ASIP: variants seen among roughly 807,000 people sequenced by gnomAD.
ASIP encodes agouti signaling protein.
ASIP carries 11 observed loss-of-function variants against 10.3 expected under a neutral mutation model. The observed-to-expected ratio is 1.07, with a 90% CI of 0.68 to 1.78. The LOEUF is 1.78. ASIP is among the 40% of genes most tolerant of loss of function. The pLI, the probability that ASIP is intolerant of heterozygous loss-of-function variation, is 0.00. For missense variants in ASIP, 180 were observed against 169.2 expected (o/e 1.06, Z -0.35); for synonymous variants, 70 against 70.8 (o/e 0.99, Z 0.06).
intron 1 of ASIP, among the ~76,000 whole-genome samples, chr20:34,249,301 T>TC (rs1282092727): frequency 6.6e-6 from 1 of 151,512 alleles, no homozygotes; most frequent in African/African-American, 2.4e-5. Flanking sequence ...CGCATTCCCA[T>TC]CCCCCGCCCC....
Position 34,269,083 on chromosome 20 carries a change from C to T in ASIP, c.315C>T (p.Pro105=). 1 of 1,581,472 alleles carries T rather than the reference C, an allele frequency of 6.3e-7. No individual in the cohort carries two copies. The change falls in exon 4 of 4, where the codon CCC becomes CCT. Residue 105 remains proline (P), a synonymous_variant. Coordinates refer to ENST00000374954, the MANE Select transcript of ASIP (RefSeq NM_001672.3). ...GCAACAGCTGCAAGCCGCCGGCACCCGCCTGCTGCGACCCGTGCGCCTCCT... is the reference window on the plus strand; with the variant it reads ...GCAACAGCTGCAAGCCGCCGGCACCTGCCTGCTGCGACCCGTGCGCCTCCT... ...ATRNSCKPPA[P]ACCDPCASCQ... is the part of the protein sequence containing the mutation.
chr20:34,195,267 G>T (rs1191979472), intron 1 of ASIP, among the ~76,000 whole-genome samples: 1 of 152,062 alleles, frequency 6.6e-6, no homozygotes, highest in African/African-American at 2.4e-5. Flanking sequence ...CTGACAACAC[G>T]GGCAATGGAA....
intron 1 of ASIP, among the ~76,000 whole-genome samples, chr20:34,196,671 A>G (rs1439605554): frequency 6.6e-6 from 1 of 152,212 alleles, no homozygotes; most frequent in Non-Finnish European, 1.5e-5. Context: ...GGAAAGAACT[A>G]TAAAGCTAGA....
chr20:34,253,655 A>C (rs1286616701), intron 1 of ASIP, among the ~76,000 whole-genome samples: 4 of 151,838 alleles, frequency 2.6e-5, no homozygotes, highest in Admixed American at 2.6e-4. Context: ...TATTTTTAGT[A>C]GAGACGGGTT....
chr20:34,215,836 T>A lies in ASIP; in HGVS notation c.-11+21076T>A. On this transcript the variant is annotated intron_variant, in intron 1 of 3. Transcript: ENST00000568305. ...ACTGCTCAAAATAGGCCAGGGCCCT[T>A]AGTCTAAAGTCTGAATCAGCATTTG... The A allele has an allele frequency of 2.8e-6, 4 of 1,404,728 alleles. No individual in the cohort carries two copies. In the South Asian group the frequency reaches 4.6e-5, roughly 16 times the overall value. The allele number at this position is 1,404,728 out of a possible 1,614,324, so 87.0% of individuals were successfully genotyped here. A position where few individuals can be genotyped will look rare whatever the true frequency, so the allele number is the denominator to read the frequency against.
At chr20:34,234,062 G>A (rs1425471231) in intron 1 of ASIP, among the ~76,000 whole-genome samples, 1 of 152,210 alleles carries the variant, frequency 6.6e-6, no homozygotes, top group Non-Finnish European at 1.5e-5. Context: ...GTGCCCAGTT[G>A]ATGATGGTGT....
chr20:34,246,397 A>G (rs1350792382), intron 1 of ASIP: 7 of 1,383,274 alleles, frequency 5.1e-6, no homozygotes, highest in Admixed American at 1.9e-5. Flanking sequence ...AATGAGCAAC[A>G]TCAGGCATAT....
upstream of ASIP, among the ~76,000 whole-genome samples, chr20:34,190,913 A>G (rs759564925): frequency 1.3e-5 from 2 of 152,076 alleles, no homozygotes; most frequent in Non-Finnish European, 2.9e-5. Flanking sequence ...GTCTGAGTCC[A>G]CCATTGACTC....
At chr20:34,215,369 T>C in intron 1 of ASIP, 5 of 1,573,220 alleles carry the variant, frequency 3.2e-6, no homozygotes, top group Non-Finnish European at 4.4e-6. Flanking sequence ...TGTTCCCTCA[T>C]GGTATCTTTT....
intron 3 of ASIP, 70 bp from the exon 4 acceptor site, chr20:34,268,921 T>TC: frequency 6.5e-7 from 1 of 1,532,224 alleles, no homozygotes; most frequent in Non-Finnish European, 8.8e-7. Flanking sequence ...CCCGAGGAGC[T>TC]CCCAGGCAGA....
intron 1 of ASIP, chr20:34,245,825 T>C: frequency 1.3e-6 from 1 of 776,842 alleles, no homozygotes; most frequent in Non-Finnish European, 1.6e-6. Flanking sequence ...GAGGGCAGTC[T>C]ACAGTTTTAC....
intron 1 of ASIP, among the ~76,000 whole-genome samples, chr20:34,252,423 G>A (rs756851244): frequency 6.6e-6 from 1 of 152,218 alleles, no homozygotes; most frequent in African/African-American, 2.4e-5. Context: ...GTGCCTGGAT[G>A]TGCACGTAGG....
chr20:34,245,598 C>T (rs894499665), intron 1 of ASIP, among the ~76,000 whole-genome samples: 10 of 151,592 alleles, frequency 6.6e-5, no homozygotes, highest in Non-Finnish European at 1.3e-4. Flanking sequence ...ACCATATTGG[C>T]CAGGCTGGTC....
At chr20:34,235,389 G>A (rs985926135) in intron 1 of ASIP, among the ~76,000 whole-genome samples, 13 of 152,146 alleles carry the variant, frequency 8.5e-5, no homozygotes, top group African/African-American at 2.2e-4. Flanking sequence ...GCAGTGAGCC[G>A]AGATCATGCC....
intron 1 of ASIP, among the ~76,000 whole-genome samples, chr20:34,198,491 T>G (rs1048504986): frequency 2.6e-5 from 4 of 151,862 alleles, no homozygotes; most frequent in Non-Finnish European, 2.9e-5. Context: ...ATGTATGTAT[T>G]TATTTATTTT....
At chr20:34,266,344 C>G (rs819161) in intron 3 of ASIP, among the ~76,000 whole-genome samples, 36,998 of 147,952 alleles carry the variant, frequency 0.25, 7,406 homozygotes, top group African/African-American at 0.56. Flanking sequence ...AGCGAGACTC[C>G]GTCTCAAAAA....
chr20:34,262,502 A>C (rs940034677), intron 2 of ASIP, among the ~76,000 whole-genome samples: 1 of 152,212 alleles, frequency 6.6e-6, no homozygotes, highest in African/African-American at 2.4e-5. Flanking sequence ...AGATGAAGGA[A>C]GGGGCACCTG....
chr20:34,236,488 G>A (rs1253054123), upstream of ASIP, among the ~76,000 whole-genome samples: 1 of 152,120 alleles, frequency 6.6e-6, no homozygotes, highest in Admixed American at 6.5e-5. Flanking sequence ...ACGTTGCAGT[G>A]AGCTGAGATT....
Position 34,269,299 on chromosome 20 carries a change from A to C in ASIP, c.*132A>C, listed in dbSNP as rs2035847131. 4 of 1,174,766 alleles carry C rather than the reference A, an allele frequency of 3.4e-6. No individual in the cohort carries two copies. The highest frequency in any genetic ancestry group is 3.4e-6 in the Non-Finnish European group (3 of 876,354). The allele number at this position is 1,174,766 out of a possible 1,614,324, so 72.8% of individuals were successfully genotyped here. On this transcript the variant is annotated 3_prime_UTR_variant, in exon 4 of 4. Coordinates refer to ENST00000374954, the MANE Select transcript of ASIP (RefSeq NM_001672.3). ...GGTTCCAGGAGATGGGACTTCAGGG[A>C]GACCTGGCTTGGGCTAAAATCGAAA...
Sources: allele counts gnomAD v4.1 joint callset (sites outside exome capture counted in the v4.1 genomes callset), GRCh38; gene constraint gnomAD v4.1.1; transcripts MANE v1.5; gene names NCBI Gene and HGNC (gene_info 2026-07-23, HGNC 2026-07-21).